The following CSGALNACT1 variants were observed in gnomAD, a reference collection of about 807,000 sequenced individuals.
CSGALNACT1 encodes the protein beta4GalNAcT-1.
In CSGALNACT1, 52 loss-of-function variants were observed where a neutral mutation model predicts 51.0. That is an observed-to-expected ratio of 1.02 (90% CI 0.82 to 1.29). The LOEUF is 1.29. Ranked by LOEUF, CSGALNACT1 falls within the 50% of genes most tolerant of loss-of-function variation. The pLI is 0.00. For synonymous variants in CSGALNACT1, 341 were observed against 254.4 expected (o/e 1.34, Z -3.24); for missense variants, 935 against 679.2 (o/e 1.38, Z -4.19).
At chr8:19,730,296 G>C (rs934798863) in intron 1 of CSGALNACT1, among the ~76,000 whole-genome samples, 1 of 152,176 alleles carries the variant, frequency 6.6e-6, no homozygotes. Flanking sequence ...AACACTCGGG[G>C]AATAGGACAC....
chr8:19,474,449 T>C (rs1480206308), intron 4 of CSGALNACT1, among the ~76,000 whole-genome samples: 1 of 152,206 alleles, frequency 6.6e-6, no homozygotes, highest in Non-Finnish European at 1.5e-5. Context: ...CGAAATAACA[T>C]ATCATTTCTT....
At chr8:19,716,418 T>C (rs1267415951) in intron 1 of CSGALNACT1, among the ~76,000 whole-genome samples, 1 of 152,014 alleles carries the variant, frequency 6.6e-6, no homozygotes, top group Non-Finnish European at 1.5e-5. Flanking sequence ...ATGGTTTATC[T>C]TTTATCTCAA....
At position 19,418,072 on chromosome 8, in the gene CSGALNACT1, T is replaced by C. The variant is rs1467854066; in HGVS notation, c.1227+584A>G. Among the ~76,000 whole-genome samples, 4 of 152,122 alleles carry C rather than the reference T, an allele frequency of 2.6e-5. No homozygotes were observed. In the East Asian group the frequency reaches 7.7e-4, roughly 29 times the overall value. The stretch of plus-strand genomic sequence containing the variant: ...GCAGAGAAGTCCTTCCAATATTCCT[T>C]TGAGAGCCACCTTGCCAGTGACACC... On this transcript the variant is annotated intron_variant, in intron 8 of 9. Transcript: ENST00000454498.
chr8:19,451,221 G>A (rs2063132880), intron 5 of CSGALNACT1, among the ~76,000 whole-genome samples: 2 of 152,138 alleles, frequency 1.3e-5, no homozygotes, highest in Admixed American at 1.3e-4. Flanking sequence ...AATATGAACA[G>A]CTGGAGGACT....
At chr8:19,622,941 T>G (rs1283430104) in intron 1 of CSGALNACT1, among the ~76,000 whole-genome samples, 3 of 152,058 alleles carry the variant, frequency 2.0e-5, no homozygotes, top group Non-Finnish European at 2.9e-5. Flanking sequence ...GTAGATAAAA[T>G]AAAATTGAAG....
chr8:19,589,861 T>C (rs1322293910), intron 3 of CSGALNACT1, among the ~76,000 whole-genome samples: 1 of 152,028 alleles, frequency 6.6e-6, no homozygotes, highest in Non-Finnish European at 1.5e-5. Flanking sequence ...CCACAGAAAA[T>C]AGGCAGTTTG....
chr8:19,529,535 A>G (rs1300630822), intron 3 of CSGALNACT1, among the ~76,000 whole-genome samples: 1 of 152,200 alleles, frequency 6.6e-6, no homozygotes, highest in African/African-American at 2.4e-5. Flanking sequence ...TCATTACTGC[A>G]ACCCTTTCCC....
intron 1 of CSGALNACT1, among the ~76,000 whole-genome samples, chr8:19,737,287 G>A (rs2064039318): frequency 1.3e-5 from 2 of 151,994 alleles, no homozygotes; most frequent in Admixed American, 1.3e-4. Context: ...AGTCTAGGAG[G>A]CAAGAAGAAA....
intron 6 of CSGALNACT1, among the ~76,000 whole-genome samples, chr8:19,423,034 A>G (rs767509701): frequency 2.0e-5 from 3 of 152,204 alleles, no homozygotes; most frequent in Non-Finnish European, 4.4e-5. Context: ...ACAATGTATG[A>G]GCAAGTCCTT....
chr8:19,466,314 T>A (rs914185693), intron 4 of CSGALNACT1, among the ~76,000 whole-genome samples: 2 of 152,158 alleles, frequency 1.3e-5, no homozygotes, highest in Non-Finnish European at 2.9e-5. Flanking sequence ...TTAATATACT[T>A]CATCTTAGCC....
rs1316146363 is a variant in CSGALNACT1, at chr8:19,413,526, T to C, written c.1228-4832A>G. On this transcript the variant is annotated intron_variant, in intron 8 of 9. Transcript: ENST00000454498. ...CATTAATTTTGGTATTCAGCGGGTG[T>C]ATGTTTCCTGAATAAATAGAAACAG... Among the ~76,000 whole-genome samples, 8 of 152,328 alleles carry C rather than the reference T, an allele frequency of 5.3e-5. No homozygotes were observed. In the East Asian group the frequency reaches 1.5e-3, roughly 29 times the overall value.
chr8:19,590,964 T>A (rs1241566465), intron 3 of CSGALNACT1, among the ~76,000 whole-genome samples: 2 of 152,130 alleles, frequency 1.3e-5, no homozygotes, highest in African/African-American at 2.4e-5. Context: ...ACTACTTAAT[T>A]TTTAGCCATT....
At chr8:19,493,057 GA>G (rs71205928) in intron 4 of CSGALNACT1, among the ~76,000 whole-genome samples, 106,797 of 141,384 alleles carry the variant, frequency 0.76, 39,749 homozygotes, top group Admixed American at 0.83. Context: ...TTCTTTTTTT[GA>G]AAAAAAAAAA....
At chr8:19,564,192 T>G (rs367801899) in intron 3 of CSGALNACT1, among the ~76,000 whole-genome samples, 1 of 152,200 alleles carries the variant, frequency 6.6e-6, no homozygotes, top group Non-Finnish European at 1.5e-5. Flanking sequence ...CTCCCTACTT[T>G]AAAGGACTTT....
Position 19,461,595 on chromosome 8 carries a change from CCGCACAGCGGCCACA to C in CSGALNACT1, c.635-2968_635-2954del, listed in dbSNP as rs1563527107. Among the ~76,000 whole-genome samples, 7 of 138,208 alleles carry C rather than the reference CCGCACAGCGGCCACA, an allele frequency of 5.1e-5. 1 individual carries two copies. Among genetic ancestry groups the C allele is most frequent in the Non-Finnish European group, 1.1e-4 (7 of 63,180 alleles). The allele number at this position is 138,208 out of a possible 152,430, so 90.7% of individuals were successfully genotyped here. A position where few individuals can be genotyped will look rare whatever the true frequency, so the allele number is the denominator to read the frequency against. On this transcript the variant is annotated intron_variant, in intron 4 of 9. Coordinates refer to ENST00000454498, the Ensembl canonical transcript of CSGALNACT1. ...GCCACATTCACCATGGGGGGCGTAT[CCGCACAGCGGCCACA>C]TTCACCATGGGGGGCGTATCCGCAC...
rs182010910 is a variant in CSGALNACT1 at position 19,665,473 on chromosome 8, G to A, written c.-544+17000C>T. Among the ~76,000 whole-genome samples, 350 of 152,266 alleles carry A rather than the reference G, an allele frequency of 2.3e-3. 1 individual carries two copies. The highest frequency in any genetic ancestry group is 3.2e-3 in the Non-Finnish European group (221 of 68,032). On this transcript the variant is annotated intron_variant, in intron 1 of 9. Coordinates refer to the CSGALNACT1 transcript ENST00000332246. The stretch of plus-strand genomic sequence containing the variant: ...AGGAGTAAGAGGCAACTGCCTCAAA[G>A]GTACTCAGGCTGCGGGTAAACATTT...
chr8:19,728,111 G>A (rs2063500411), intron 1 of CSGALNACT1, among the ~76,000 whole-genome samples: 1 of 152,120 alleles, frequency 6.6e-6, no homozygotes, highest in African/African-American at 2.4e-5. Flanking sequence ...GCACTTACCA[G>A]CAGCATGACC....
intron 1 of CSGALNACT1, among the ~76,000 whole-genome samples, chr8:19,752,506 T>C (rs1218356430): frequency 1.3e-5 from 2 of 152,226 alleles, no homozygotes; most frequent in African/African-American, 4.8e-5. Context: ...AAGTCACTTT[T>C]GTGAGAACAC....
At chr8:19,511,933 C>T (rs556769193) in intron 3 of CSGALNACT1, among the ~76,000 whole-genome samples, 20 of 152,204 alleles carry the variant, frequency 1.3e-4, no homozygotes, top group South Asian at 6.2e-4. Context: ...CCAGATCTTG[C>T]GAAAACTCAC....
Sources: gnomAD v4.1 joint callset for allele counts (sites outside exome capture counted in the v4.1 genomes callset) on GRCh38, gnomAD v4.1.1 for gene constraint, MANE v1.5 for transcripts, NCBI Gene and HGNC (gene_info 2026-07-23, HGNC 2026-07-21) for gene names.